Variants in ADCY5 observed in about 807,000 individuals in gnomAD.
The protein encoded by ADCY5 is adenylate cyclase type 5.
A neutral mutation model predicts 119.7 loss-of-function variants in ADCY5; 30 were observed. The ratio of observed to expected loss-of-function variants is 0.25; its 90% CI spans 0.19 to 0.34. The LOEUF is 0.34. Among genes scored for constraint, ADCY5 ranks in the 10% least tolerant of loss-of-function variants. The pLI is 1.00. For synonymous variants in ADCY5, 753 were observed against 762.2 expected, an observed-to-expected ratio of 0.99 and a Z score of 0.20; for missense variants, 1,324 against 1,775.2, an observed-to-expected ratio of 0.75 and a Z score of 4.57.
At position 123,358,195 on chromosome 3, in the gene ADCY5, T is replaced by TGTGTGTGTGTGA. The variant is rs58986112; in HGVS notation, c.1135-5615_1135-5614insTCACACACACAC. On this transcript the variant is annotated intron_variant, in intron 1 of 20. Coordinates refer to ENST00000462833, the MANE Select transcript of ADCY5 (RefSeq NM_183357.3). The stretch of plus-strand genomic sequence containing the variant: ...GTGTGTGTGTGTGTGTGTGTGTGTG[T>TGTGTGTGTGTGA]AGGGAGTTGGTGGTATGGCGGAGCA... Among the ~76,000 whole-genome samples, 1,373 of 149,176 alleles carry TGTGTGTGTGTGA rather than the reference T, an allele frequency of 9.2e-3. 28 individuals carry two copies. The highest frequency in any genetic ancestry group is 0.031 in the African/African-American group (1,252 of 40,024).
chr3:123,412,139 G>A (rs910314494), intron 1 of ADCY5, among the ~76,000 whole-genome samples: 1 of 152,196 alleles, frequency 6.6e-6, no homozygotes, highest in African/African-American at 2.4e-5. Flanking sequence ...CAGCAGGAGG[G>A]AACGAAGCTA....
At chr3:123,366,128 T>C (rs1331554551) in intron 1 of ADCY5, among the ~76,000 whole-genome samples, 3 of 152,244 alleles carry the variant, frequency 2.0e-5, no homozygotes, top group Non-Finnish European at 2.9e-5. Context: ...TTTAAATTAC[T>C]TTCACCCATG....
intron 1 of ADCY5, among the ~76,000 whole-genome samples, chr3:123,376,853 T>C (rs1447255694): frequency 1.3e-5 from 2 of 152,168 alleles, no homozygotes; most frequent in Non-Finnish European, 2.9e-5. Flanking sequence ...TTTTAGACAA[T>C]AGTTCCTTTC....
Position 123,297,416 on chromosome 3 carries a change from C to T in ADCY5, c.2901-34G>A, listed in dbSNP as rs377334125. ...AGAGTTGGGGAAGACTGGTCAGGGCCACCCTTCTGCATAAGGCGGCCTCCA... is the reference window on the plus strand; with the variant it reads ...AGAGTTGGGGAAGACTGGTCAGGGCTACCCTTCTGCATAAGGCGGCCTCCA... On this transcript the variant is annotated intron_variant, in intron 15 of 20. Transcript: ENST00000462833. The T allele has an allele frequency of 6.1e-5, 99 of 1,610,740 alleles. No individual in the cohort carries two copies. The Admixed American group carries it at 1.1e-3, about 18-fold the overall frequency.
intron 1 of ADCY5, among the ~76,000 whole-genome samples, chr3:123,377,846 C>T (rs1178428179): frequency 7.0e-6 from 1 of 142,994 alleles, no homozygotes; most frequent in East Asian, 2.2e-4. Context: ...AGAAGAATCA[C>T]TTGAACCCGG....
In ADCY5 at chr3:123,286,519, T is replaced by A. The variant is rs1397523636; in HGVS notation, c.3657+166A>T. Among the ~76,000 whole-genome samples, 2 of 152,070 alleles carry A rather than the reference T, an allele frequency of 1.3e-5. No individual in the cohort carries two copies. Among genetic ancestry groups the A allele is most frequent in the African/African-American group, 2.4e-5 (1 of 41,396 alleles). On this transcript the variant is annotated intron_variant, in intron 20 of 20. Transcript: ENST00000462833. This position sits in a 1 kb window ranked among gnomAD's most constrained non-coding sequence, Gnocchi z 4.2. ...AGGTGCTGAGGGCCTGAAACACAAT[T>A]GTGTTCTCCAAGCTTCCAAGACATC...
At chr3:123,407,589 T>TAAA (rs35895488) in intron 1 of ADCY5, among the ~76,000 whole-genome samples, 1,442 of 94,100 alleles carry the variant, frequency 0.015, 79 homozygotes, top group African/African-American at 0.062. Context: ...CTATCTCTAC[T>TAAA]AAAAAAAAAA....
At chr3:123,347,223 T>A (rs1285978998) in intron 3 of ADCY5, among the ~76,000 whole-genome samples, 1 of 152,224 alleles carries the variant, frequency 6.6e-6, no homozygotes, top group Non-Finnish European at 1.5e-5. Flanking sequence ...TTCTTTAAAC[T>A]TTTTATTACA....
rs542057850 is a variant in ADCY5 at position 123,290,308 on chromosome 3, T to A, written c.3328-354A>T. 1.4e-3 allele frequency among the ~76,000 whole-genome samples: 206 copies of A among 152,222 alleles called. 1 individual carries two copies. The highest frequency in any genetic ancestry group is 2.5e-3 in the Non-Finnish European group (167 of 67,984). On this transcript the variant is annotated intron_variant, in intron 18 of 20. Coordinates refer to ENST00000462833, the MANE Select transcript of ADCY5 (RefSeq NM_183357.3). ...ACCTCCATTTGTCCAGCAGGCAAAT[T>A]CTTTCCCTACCCCCTGGCCCCGGCC... is the stretch of plus-strand genomic sequence containing the variant.
At chr3:123,328,890 A>G (rs746058964) in intron 5 of ADCY5, 88 bp from the exon 6 acceptor site, 2 of 1,368,098 alleles carry the variant, frequency 1.5e-6, no homozygotes, top group Non-Finnish European at 2.0e-6. Flanking sequence ...GGGAAGGTGA[A>G]GGTGCGGGGG....
chr3:123,447,699 T>C lies in ADCY5; in HGVS notation c.847A>G (p.Ile283Val). ...GCGCGGTTGCAAAGCACAGCCATGA[T>C]GAGGATCACGCCGACGGCGGCCGCC... ...VLAAAVGVIL[I>V]MAVLCNRAAF... The change falls in exon 1 of 21, where the codon ATC (isoleucine) becomes GTC (valine). Residue 283 changes from isoleucine to valine, a missense_variant. By Grantham distance (29) the Ile-to-Val change is conservative. Coordinates refer to ENST00000462833, the MANE Select transcript of ADCY5 (RefSeq NM_183357.3). 1.2e-6 allele frequency: 2 copies of C among 1,604,008 alleles called. No individual in the cohort carries two copies. The highest frequency in any genetic ancestry group is 1.7e-6 in the Non-Finnish European group (2 of 1,174,150).
chr3:123,283,312 T>TAAGC lies in ADCY5; in HGVS notation c.*1292_*1295dup, dbSNP rs1420299408. On this transcript the variant is annotated 3_prime_UTR_variant, in exon 21 of 21. Coordinates refer to ENST00000462833, the MANE Select transcript of ADCY5 (RefSeq NM_183357.3). ...CTGGAATCTGTGGGCGCTGCCTCTG[T>TAAGC]AAGCCGCAAACGTCTGAAATCTCAG... 2.6e-5 allele frequency: 4 copies of TAAGC among 152,230 alleles called. No homozygotes were observed. In the East Asian group the frequency reaches 7.7e-4, roughly 29 times the overall value. 9.4% of individuals were successfully genotyped at this position (152,230 alleles called of 1,614,324 possible). A position where few individuals can be genotyped will look rare whatever the true frequency, so the allele number is the denominator to read the frequency against.
chr3:123,351,635 C>T (rs990736725), intron 2 of ADCY5, among the ~76,000 whole-genome samples: 3 of 152,182 alleles, frequency 2.0e-5, no homozygotes, highest in Admixed American at 2.0e-4. Context: ...CACAGCCCCC[C>T]AGGCCTCCCA....
intron 3 of ADCY5, among the ~76,000 whole-genome samples, chr3:123,333,658 G>C (rs1220583691): frequency 6.6e-6 from 1 of 152,254 alleles, no homozygotes; most frequent in Non-Finnish European, 1.5e-5. Context: ...CGGGACAGGG[G>C]GCCAGGCCCC....
intron 1 of ADCY5, among the ~76,000 whole-genome samples, chr3:123,442,699 C>T (rs908399147): frequency 3.9e-5 from 6 of 152,262 alleles, no homozygotes; most frequent in Middle Eastern, 3.4e-3. Context: ...TGTGCCCCTC[C>T]GCTGAGTCTC....
chr3:123,366,696 C>A (rs1485645778), intron 1 of ADCY5, among the ~76,000 whole-genome samples: 1 of 152,168 alleles, frequency 6.6e-6, no homozygotes, highest in Admixed American at 6.5e-5. Flanking sequence ...TCCTCAAGAG[C>A]AATGAATGAA....
rs753274083 is a variant in ADCY5, at chr3:123,423,657, G to T, written c.1134+23755C>A. Among the ~76,000 whole-genome samples, 3 of 152,192 alleles carry T rather than the reference G, an allele frequency of 2.0e-5. No homozygotes were observed. The East Asian group carries it at 5.8e-4, about 29-fold the overall frequency. On this transcript the variant is annotated intron_variant, in intron 1 of 20. Coordinates refer to ENST00000462833, the MANE Select transcript of ADCY5 (RefSeq NM_183357.3). ...CCCTGACACTATTCTAAGAAGGCCCGTCACCAAGCCCCAAGGCAGAAGGGC... is the reference window on the plus strand; with the variant it reads ...CCCTGACACTATTCTAAGAAGGCCCTTCACCAAGCCCCAAGGCAGAAGGGC...
At chr3:123,350,633 A>G (rs1295162207) in intron 2 of ADCY5, among the ~76,000 whole-genome samples, 1 of 152,210 alleles carries the variant, frequency 6.6e-6, no homozygotes, top group African/African-American at 2.4e-5. Flanking sequence ...GAGCCCCAGC[A>G]GCTCTTTCTG....
intron 1 of ADCY5, among the ~76,000 whole-genome samples, chr3:123,419,787 C>A (rs1945263618): frequency 6.6e-6 from 1 of 152,086 alleles, no homozygotes. Flanking sequence ...CTTCCCTGGG[C>A]TCTCCCCCAT....
Sources: allele counts gnomAD v4.1 joint callset (sites outside exome capture counted in the v4.1 genomes callset), GRCh38; gene constraint gnomAD v4.1.1; non-coding constraint Gnocchi (gnomAD v3.1); transcripts MANE v1.5; gene names NCBI Gene and HGNC (gene_info 2026-07-23, HGNC 2026-07-21).